The following FOXK2 variants were observed in gnomAD, a reference collection of about 807,000 sequenced individuals.
FOXK2 encodes forkhead box protein K2.
In FOXK2, 24 loss-of-function variants were observed where a neutral mutation model predicts 53.3. The ratio of observed to expected loss-of-function variants is 0.45; its 90% CI spans 0.33 to 0.63. The LOEUF (loss-of-function observed/expected upper bound fraction) is 0.63, where lower values mean the gene tolerates loss of function less well. Among genes scored for constraint, FOXK2 ranks in the 30% least tolerant of loss-of-function variants. The probability of loss-of-function intolerance (pLI) is 0.03; values close to 1 mark genes in which losing one functional copy is unlikely to be tolerated. For missense variants in FOXK2, 952 were observed against 910.5 expected (o/e 1.05, Z -0.59); for synonymous variants, 505 against 407.1 (o/e 1.24, Z -2.89).
At chr17:82,567,326 A>G (rs2044862812) in intron 2 of FOXK2, among the ~76,000 whole-genome samples, 1 of 152,166 alleles carries the variant, frequency 6.6e-6, no homozygotes, top group African/African-American at 2.4e-5. Flanking sequence ...AGGCATGGAG[A>G]GAATCTGCAG....
intron 1 of FOXK2, 76 bp downstream of exon 1, chr17:82,520,383 A>G (rs1447205418): frequency 2.6e-6 from 3 of 1,168,724 alleles, no homozygotes; most frequent in Non-Finnish European, 3.2e-6. Flanking sequence ...ACACGCGCCC[A>G]GGCCCGGGAC....
In FOXK2 at chr17:82,585,992, C is replaced by T. The variant is rs754821281; in HGVS notation, c.1368C>T (p.Thr456=). 2.3e-5 allele frequency: 37 copies of T among 1,612,664 alleles called. No homozygotes were observed. The highest frequency in any genetic ancestry group is 6.7e-5 in the Admixed American group (4 of 59,998). Residue 456 remains threonine, a synonymous_variant, in exon 7 of 9, where the codon ACC becomes ACT. Transcript: ENST00000335255. ...AGCCTGTCACCTACACTGTGGCCAC[C>T]CCAGTGACCACCTCGACCTCCCAGC... is the stretch of plus-strand genomic sequence containing the variant. The part of the protein sequence containing the change: ...AIKPVTYTVA[T]PVTTSTSQPP...
chr17:82,574,568 CCTCGGT>C (rs1228107707), intron 4 of FOXK2, among the ~76,000 whole-genome samples: 16 of 152,296 alleles, frequency 1.1e-4, no homozygotes, highest in African/African-American at 3.4e-4. Context: ...GATCTGCCTG[CCTCGGT>C]CTCCCGAAGT....
At chr17:82,586,537 TCAAAGGTAGGCGGAGGGGAAA>T (rs2045169690) in intron 7 of FOXK2, among the ~76,000 whole-genome samples, 9 of 100,922 alleles carry the variant, frequency 8.9e-5, no homozygotes, top group African/African-American at 4.2e-4. Context: ...CACAGGGAGG[TCAAAGGTAGGCGGAGGGGAAA>T]GGAGGAGAGG....
chr17:82,597,848 C>G (rs2045332621), intron 8 of FOXK2, among the ~76,000 whole-genome samples: 1 of 152,170 alleles, frequency 6.6e-6, no homozygotes, highest in Admixed American at 6.6e-5. Context: ...CGGGGTTGCA[C>G]CACGTTGGCC....
chr17:82,576,563 G>A lies in FOXK2; in HGVS notation c.909+4693G>A, dbSNP rs955633345. Reference sequence around the variant, plus strand: ...TCTGTCATCATGAGCTGAGCCTGTTGGGCTGGTGACATCCAGAATGTTCCA... The same window carrying A: ...TCTGTCATCATGAGCTGAGCCTGTTAGGCTGGTGACATCCAGAATGTTCCA... On this transcript the variant is annotated intron_variant, in intron 4 of 8. Transcript: ENST00000335255. 42 of 745,084 alleles carry A rather than the reference G, an allele frequency of 5.6e-5. 4 individuals are homozygous for A. In the Admixed American group the frequency reaches 7.1e-4, roughly 13 times the overall value. 46.2% of individuals were successfully genotyped at this position (745,084 alleles called of 1,614,324 possible). A position where few individuals can be genotyped will look rare whatever the true frequency, so the allele number is the denominator to read the frequency against.
At chr17:82,589,783 C>A (rs945499362) in intron 8 of FOXK2, among the ~76,000 whole-genome samples, 1 of 151,952 alleles carries the variant, frequency 6.6e-6, no homozygotes, top group Non-Finnish European at 1.5e-5. Flanking sequence ...TGGTGGCTCA[C>A]GCCTGTAATC....
chr17:82,582,645 G>A, intron 4 of FOXK2, 96 bp from the exon 5 acceptor site: 1 of 1,003,314 alleles, frequency 1.0e-6, no homozygotes, highest in Non-Finnish European at 1.4e-6. Flanking sequence ...GGCCCAACAT[G>A]TAGGTTTCTG....
chr17:82,542,767 A>G (rs2044586914), intron 1 of FOXK2, among the ~76,000 whole-genome samples: 1 of 151,896 alleles, frequency 6.6e-6, no homozygotes, highest in Non-Finnish European at 1.5e-5. Flanking sequence ...GCTCATGCCC[A>G]GTACTTTGGG....
At chr17:82,597,414 G>C (rs1010313705) in intron 8 of FOXK2, among the ~76,000 whole-genome samples, 1 of 152,144 alleles carries the variant, frequency 6.6e-6, no homozygotes, top group Non-Finnish European at 1.5e-5. Context: ...GCTGATGGCT[G>C]CTCCCTCCCC....
intron 8 of FOXK2, chr17:82,595,868 G>A: frequency 7.8e-7 from 1 of 1,287,648 alleles, no homozygotes; most frequent in South Asian, 1.2e-5. Context: ...AGACAGACCA[G>A]CAGGTGCTTC....
chr17:82,551,531 A>C (rs2044677420), intron 1 of FOXK2, among the ~76,000 whole-genome samples: 1 of 152,018 alleles, frequency 6.6e-6, no homozygotes, highest in African/African-American at 2.4e-5. Flanking sequence ...ATTACAAAAA[A>C]TTAGCCAGGT....
At chr17:82,592,671 G>C in intron 8 of FOXK2, among the ~76,000 whole-genome samples, 1 of 152,178 alleles carries the variant, frequency 6.6e-6, no homozygotes. Flanking sequence ...TAGCAGTTAC[G>C]TGGTCCTCAA....
intron 4 of FOXK2, among the ~76,000 whole-genome samples, chr17:82,574,898 G>A (rs1458652138): frequency 6.6e-6 from 1 of 152,168 alleles, no homozygotes; most frequent in African/African-American, 2.4e-5. Context: ...TCTTTCTTTT[G>A]TTTGCATTTA....
intron 1 of FOXK2, among the ~76,000 whole-genome samples, chr17:82,528,735 A>T (rs1243775484): frequency 1.3e-5 from 2 of 152,216 alleles, no homozygotes; most frequent in African/African-American, 2.4e-5. Flanking sequence ...TAGAGTGCAC[A>T]TTGGGCTTCA....
chr17:82,592,930 G>A (rs1459054454), intron 8 of FOXK2, among the ~76,000 whole-genome samples: 1 of 150,718 alleles, frequency 6.6e-6, no homozygotes, highest in Non-Finnish European at 1.5e-5. Flanking sequence ...AGTAGACCCT[G>A]TGAAGGTCTC....
At chr17:82,586,545 A>G (rs57367181) in intron 7 of FOXK2, among the ~76,000 whole-genome samples, 4,244 of 25,352 alleles carry the variant, frequency 0.17, 1,126 homozygotes, top group African/African-American at 0.33. Flanking sequence ...GGTCAAAGGT[A>G]GGCGGAGGGG....
chr17:82,563,457 G>A lies in FOXK2; in HGVS notation c.523G>A (p.Val175Ile), dbSNP rs1412570873. 4 of 1,614,126 alleles carry A rather than the reference G, an allele frequency of 2.5e-6. No homozygotes were observed. The highest frequency in any genetic ancestry group is 2.2e-5 in the East Asian group (1 of 44,888). The part of the protein sequence containing the change: ...QEASESPVKA[V>I]QPHISPLTIN... ...GGCGTCTGAGTCTCCAGTGAAGGCC[G>A]TACAGCCACACATCTCGCCCCTGAC... is the stretch of plus-strand genomic sequence containing the variant. The change falls in exon 2 of 9, where the codon GTA becomes ATA. Residue 175 changes from valine to isoleucine, a missense_variant. This residue lies in a region of FOXK2 where 76 missense variants were observed against 128.2 expected (regional missense o/e 0.59). Transcript: ENST00000335255.
chr17:82,551,910 C>T (rs4789787), intron 1 of FOXK2, among the ~76,000 whole-genome samples: 26,292 of 152,208 alleles, frequency 0.17, 2,858 homozygotes, highest in East Asian at 0.39. Context: ...CTGGGCCTGG[C>T]ACGGTGCTCC....
Sources: allele counts gnomAD v4.1 joint callset (sites outside exome capture counted in the v4.1 genomes callset), GRCh38; gene constraint gnomAD v4.1.1; regional missense constraint gnomAD v4.1.1; transcripts MANE v1.5; gene names NCBI Gene and HGNC (gene_info 2026-07-23, HGNC 2026-07-21).